PDGFC: variants seen among roughly 807,000 people sequenced by gnomAD.
PDGFC encodes platelet-derived growth factor C.
A neutral mutation model predicts 35.5 loss-of-function variants in PDGFC; 12 were observed. That is an observed-to-expected ratio of 0.34 (90% CI 0.22 to 0.55). The LOEUF is 0.55. Among genes scored for constraint, PDGFC ranks in the 20% least tolerant of loss-of-function variants. The probability of loss-of-function intolerance (pLI) is 0.91; values close to 1 mark genes in which losing one functional copy is unlikely to be tolerated. For missense variants in PDGFC, 322 were observed against 412.4 expected, an observed-to-expected ratio of 0.78 and a Z score of 1.90; for synonymous variants, 159 against 148.8, an observed-to-expected ratio of 1.07 and a Z score of -0.50.
chr4:156,819,125 G>A (rs1732177316), intron 2 of PDGFC, among the ~76,000 whole-genome samples: 1 of 152,172 alleles, frequency 6.6e-6, no homozygotes, highest in South Asian at 2.1e-4. Context: ...GCTTCATGAG[G>A]TTGAATGAAG....
At chr4:156,956,141 T>C (rs1264379489) in intron 1 of PDGFC, among the ~76,000 whole-genome samples, 1 of 152,064 alleles carries the variant, frequency 6.6e-6, no homozygotes, top group Non-Finnish European at 1.5e-5. Context: ...CGCACTTTTG[T>C]GTATTGGATT....
At chr4:156,897,438 A>G (rs1472874316) in intron 1 of PDGFC, among the ~76,000 whole-genome samples, 1 of 149,618 alleles carries the variant, frequency 6.7e-6, no homozygotes, top group East Asian at 2.0e-4. Flanking sequence ...TTAAATTTTC[A>G]TTCTGCCCTC....
At chr4:156,805,286 A>G (rs1731727869) in intron 3 of PDGFC, among the ~76,000 whole-genome samples, 1 of 152,052 alleles carries the variant, frequency 6.6e-6, no homozygotes, top group African/African-American at 2.4e-5. Context: ...TAATCATTCA[A>G]CAAGTGCTTC....
At chr4:156,848,589 T>G (rs539845175) in intron 2 of PDGFC, among the ~76,000 whole-genome samples, 1 of 152,160 alleles carries the variant, frequency 6.6e-6, no homozygotes, top group African/African-American at 2.4e-5. Flanking sequence ...AAGCATAATT[T>G]TTTTAGTTTT....
chr4:156,827,305 T>G (rs1190220636), intron 2 of PDGFC, among the ~76,000 whole-genome samples: 5 of 151,996 alleles, frequency 3.3e-5, no homozygotes, highest in Admixed American at 2.0e-4. Flanking sequence ...TAGTCCCAGC[T>G]ACTCGGGAGG....
At chr4:156,881,554 A>C (rs1250173097) in intron 1 of PDGFC, among the ~76,000 whole-genome samples, 1 of 152,080 alleles carries the variant, frequency 6.6e-6, no homozygotes, top group Admixed American at 6.5e-5. Context: ...AATAACTCTC[A>C]CAAGATCTGA....
At chr4:156,822,356 CAAAA>C (rs397878245) in intron 2 of PDGFC, among the ~76,000 whole-genome samples, 2 of 70,296 alleles carry the variant, frequency 2.8e-5, no homozygotes, top group East Asian at 5.0e-4. Flanking sequence ...GAAACTGTCT[CAAAA>C]AAAAAAAAAA....
At chr4:156,826,279 G>C (rs1165517476) in intron 2 of PDGFC, among the ~76,000 whole-genome samples, 1 of 121,582 alleles carries the variant, frequency 8.2e-6, no homozygotes, top group Non-Finnish European at 1.6e-5. Context: ...TGCAACCTCT[G>C]CCTCCCGGGT....
At position 156,800,020 on chromosome 4, in the gene PDGFC, T is replaced by A. The variant is rs573121756; in HGVS notation, c.495+10817A>T. Among the ~76,000 whole-genome samples the A allele has an allele frequency of 3.3e-5, 5 of 152,280 alleles. No homozygotes were observed. The East Asian group carries it at 9.6e-4, about 29-fold the overall frequency. On this transcript the variant is annotated intron_variant, in intron 3 of 5. Coordinates refer to ENST00000502773, the MANE Select transcript of PDGFC (RefSeq NM_016205.3). ...AAAACAAAAATGGTCAGAAGAGATCTTAAATTTTTGTTTCTTTCTCAATGA... is the reference window on the plus strand; with the variant it reads ...AAAACAAAAATGGTCAGAAGAGATCATAAATTTTTGTTTCTTTCTCAATGA...
At chr4:156,819,301 A>C (rs765250628) in intron 2 of PDGFC, among the ~76,000 whole-genome samples, 3 of 151,868 alleles carry the variant, frequency 2.0e-5, no homozygotes, top group Non-Finnish European at 4.4e-5. Flanking sequence ...TTGGAAGAAG[A>C]TGACATCTAG....
At chr4:156,849,165 G>A (rs751784949) in intron 2 of PDGFC, among the ~76,000 whole-genome samples, 2 of 152,010 alleles carry the variant, frequency 1.3e-5, no homozygotes, top group South Asian at 2.1e-4. Flanking sequence ...AAATCTGAAC[G>A]AGATCTAGGG....
At chr4:156,763,279 C>T (rs968101661) in intron 5 of PDGFC, 73 bp from the exon 6 acceptor site, 3 of 725,224 alleles carry the variant, frequency 4.1e-6, no homozygotes, top group Non-Finnish European at 2.5e-6. Flanking sequence ...AAACAAGTAA[C>T]GTTTTAGAAA....
chr4:156,836,813 GA>G (rs1232420220), intron 2 of PDGFC, among the ~76,000 whole-genome samples: 2 of 152,030 alleles, frequency 1.3e-5, no homozygotes. Flanking sequence ...TTTTGTAAAA[GA>G]TTTTTTTTTA....
intron 1 of PDGFC, among the ~76,000 whole-genome samples, chr4:156,873,054 C>A (rs1220475130): frequency 1.3e-5 from 2 of 151,980 alleles, no homozygotes; most frequent in Non-Finnish European, 2.9e-5. Context: ...TCGCCTGAGC[C>A]CAGAAATTTT....
At chr4:156,765,551 C>T (rs1035531376) in intron 5 of PDGFC, among the ~76,000 whole-genome samples, 1 of 152,082 alleles carries the variant, frequency 6.6e-6, no homozygotes, top group Non-Finnish European at 1.5e-5. Context: ...TAGAATCAGG[C>T]AACTGAATGC....
intron 3 of PDGFC, among the ~76,000 whole-genome samples, chr4:156,806,248 C>A (rs1304221593): frequency 1.3e-5 from 2 of 151,948 alleles, no homozygotes. Context: ...TCAGTTCATC[C>A]ACCCCCTGCC....
At chr4:156,955,439 A>C (rs72683372) in intron 1 of PDGFC, among the ~76,000 whole-genome samples, 2,219 of 152,168 alleles carry the variant, frequency 0.015, 28 homozygotes, top group Non-Finnish European at 0.026. Flanking sequence ...TAAATTAATT[A>C]GCTGGATTGT....
intron 4 of PDGFC, among the ~76,000 whole-genome samples, chr4:156,771,894 G>A (rs376305141): frequency 4.6e-5 from 7 of 152,134 alleles, no homozygotes; most frequent in East Asian, 1.9e-4. Flanking sequence ...ATTTCTATAC[G>A]TTTTCATTTG....
intron 1 of PDGFC, among the ~76,000 whole-genome samples, chr4:156,866,895 C>T (rs1323371293): frequency 1.7e-4 from 26 of 152,130 alleles, no homozygotes; most frequent in Admixed American, 1.7e-3. Context: ...GTGAATGCAT[C>T]TCTAATCTTC....
Sources: allele counts gnomAD v4.1 joint callset (sites outside exome capture counted in the v4.1 genomes callset), GRCh38; gene constraint gnomAD v4.1.1; transcripts MANE v1.5; gene names NCBI Gene and HGNC (gene_info 2026-07-23, HGNC 2026-07-21).